The following THSD4 variants were observed in gnomAD, a reference collection of about 807,000 sequenced individuals.
THSD4 encodes thrombospondin type-1 domain-containing protein 4.
THSD4 carries 69 observed loss-of-function variants against 119.0 expected under a neutral mutation model. That is an observed-to-expected ratio of 0.58 (90% CI 0.48 to 0.71). THSD4 has a LOEUF of 0.71. Among genes scored for constraint, THSD4 ranks in the 30% least tolerant of loss-of-function variants. The probability of loss-of-function intolerance (pLI) is 0.00; values close to 1 mark genes in which losing one functional copy is unlikely to be tolerated. For synonymous variants in THSD4, 524 were observed against 540.4 expected, an observed-to-expected ratio of 0.97 and a Z score of 0.42; for missense variants, 1,393 against 1,391.1, an observed-to-expected ratio of 1.00 and a Z score of -0.02.
intron 7 of THSD4, among the ~76,000 whole-genome samples, chr15:71,501,655 C>G (rs1050229194): frequency 6.6e-6 from 1 of 152,176 alleles, no homozygotes; most frequent in Non-Finnish European, 1.5e-5. Flanking sequence ...ATCTTTTGAA[C>G]AGCTAATGTT....
At chr15:71,733,131 T>C (rs1340893557) in intron 10 of THSD4, 1 of 152,272 alleles carries the variant, frequency 6.6e-6, no homozygotes, top group Non-Finnish European at 1.5e-5. Flanking sequence ...TGATGATTTC[T>C]GTCAGGCCTG....
chr15:71,304,102 T>C (rs1015139618), intron 6 of THSD4, among the ~76,000 whole-genome samples: 2 of 152,154 alleles, frequency 1.3e-5, no homozygotes, highest in African/African-American at 4.8e-5. Context: ...CCTCTAGCAG[T>C]GTTGGACATC....
intron 7 of THSD4, among the ~76,000 whole-genome samples, chr15:71,577,866 G>C (rs1433310852): frequency 6.6e-6 from 1 of 151,314 alleles, no homozygotes; most frequent in East Asian, 1.9e-4. Context: ...GATTACTGGC[G>C]CCCACCATGC....
chr15:71,716,614 C>T (rs1567116047), intron 8 of THSD4, among the ~76,000 whole-genome samples: 1 of 122,072 alleles, frequency 8.2e-6, no homozygotes, highest in Non-Finnish European at 1.9e-5. Flanking sequence ...AGTCTAATGA[C>T]CAGTGCTTTA....
intron 7 of THSD4, among the ~76,000 whole-genome samples, chr15:71,646,599 G>T (rs1190078052): frequency 1.1e-4 from 17 of 152,144 alleles, no homozygotes; most frequent in African/African-American, 4.1e-4. Context: ...TATGCATTGA[G>T]TTCCTTCCAT....
chr15:71,548,628 T>C (rs1028436221), intron 7 of THSD4, among the ~76,000 whole-genome samples: 2 of 152,212 alleles, frequency 1.3e-5, no homozygotes, highest in Non-Finnish European at 2.9e-5. Flanking sequence ...GTAGACATTT[T>C]CTGGGCCTGT....
intron 8 of THSD4, among the ~76,000 whole-genome samples, chr15:71,702,132 A>G (rs1292496975): frequency 1.3e-5 from 2 of 152,010 alleles, no homozygotes; most frequent in Non-Finnish European, 1.5e-5. Context: ...AGGTGCTCCC[A>G]TCTGCTTGCT....
chr15:71,359,638 A>G (rs1475963788), intron 6 of THSD4, among the ~76,000 whole-genome samples: 2 of 152,116 alleles, frequency 1.3e-5, no homozygotes, highest in Non-Finnish European at 2.9e-5. Flanking sequence ...GAAAACCCCA[A>G]TCTCTACCAA....
chr15:71,287,585 A>G (rs2044733851), intron 6 of THSD4, among the ~76,000 whole-genome samples: 1 of 152,204 alleles, frequency 6.6e-6, no homozygotes, highest in South Asian at 2.1e-4. Flanking sequence ...TTCCTGGGAA[A>G]AGCCCTTAGC....
At chr15:71,450,535 T>TCTCATCTGC (rs2047247879) in intron 7 of THSD4, among the ~76,000 whole-genome samples, 1 of 152,196 alleles carries the variant, frequency 6.6e-6, no homozygotes, top group African/African-American at 2.4e-5. Context: ...GTTTCAGTTT[T>TCTCATCTGC]CTCATCTGCA....
upstream of THSD4, among the ~76,000 whole-genome samples, chr15:71,112,777 C>T (rs1371313140): frequency 6.6e-6 from 1 of 152,238 alleles, no homozygotes; most frequent in African/African-American, 2.4e-5. Flanking sequence ...GTGACAGACA[C>T]ATTTGGATAA....
In THSD4 at chr15:71,779,674, T is replaced by G. The variant is rs1320154981; in HGVS notation, c.*2300T>G. 6.6e-6 allele frequency: 1 copy of G among 152,170 alleles called. No individual in the cohort carries two copies. Among genetic ancestry groups the G allele is most frequent in the Non-Finnish European group, 1.5e-5 (1 of 68,038 alleles). 9.4% of individuals were successfully genotyped at this position (152,170 alleles called of 1,614,324 possible). ...TGGCTGGGCTGGGTCAGTGATGGCT[T>G]TGTCTCTTTATGTCTAAAGTGCCCT... On this transcript the variant is annotated 3_prime_UTR_variant, in exon 18 of 18. Coordinates refer to ENST00000261862, the MANE Select transcript of THSD4 (RefSeq NM_024817.3).
chr15:71,199,672 G>GGGTGTGTGTGTGTGTGGTGC (rs1567154734), intron 3 of THSD4, among the ~76,000 whole-genome samples: 2 of 27,032 alleles, frequency 7.4e-5, no homozygotes, highest in African/African-American at 1.5e-4. Flanking sequence ...TGCATGTGTG[G>GGGTGTGTGTGTGTGTGGTGC]AGGGTGTGTG....
At chr15:71,445,960 A>G (rs1225717543) in intron 7 of THSD4, among the ~76,000 whole-genome samples, 1 of 152,222 alleles carries the variant, frequency 6.6e-6, no homozygotes, top group African/African-American at 2.4e-5. Flanking sequence ...TGCAGTTGCA[A>G]GATCGCTCTG....
At chr15:71,221,474 A>G (rs2043975623) in intron 4 of THSD4, among the ~76,000 whole-genome samples, 1 of 152,160 alleles carries the variant, frequency 6.6e-6, no homozygotes, top group South Asian at 2.1e-4. Flanking sequence ...GCCAACCACC[A>G]TTCTACTTTC....
chr15:71,470,997 G>T (rs2140640035), intron 7 of THSD4, among the ~76,000 whole-genome samples: 1 of 152,270 alleles, frequency 6.6e-6, no homozygotes, highest in Middle Eastern at 3.4e-3. Flanking sequence ...AAGTTATCAG[G>T]CTATTTCTTT....
intron 7 of THSD4, among the ~76,000 whole-genome samples, chr15:71,447,070 T>C: frequency 6.7e-6 from 1 of 149,742 alleles, no homozygotes; most frequent in South Asian, 2.1e-4. Context: ...GCCCAGTGGG[T>C]TTGCAAACAA....
intron 7 of THSD4, among the ~76,000 whole-genome samples, chr15:71,441,830 C>A (rs79483687): frequency 6.6e-6 from 1 of 152,104 alleles, no homozygotes; most frequent in Non-Finnish European, 1.5e-5. Context: ...GGGATGAGAG[C>A]AGTACTGACC....
intron 7 of THSD4, among the ~76,000 whole-genome samples, chr15:71,525,136 C>G (rs1193837763): frequency 6.6e-6 from 1 of 152,054 alleles, no homozygotes; most frequent in Non-Finnish European, 1.5e-5. Flanking sequence ...TTACTGAGCA[C>G]TTATTATGCA....
Sources: gnomAD v4.1 joint callset for allele counts (sites outside exome capture counted in the v4.1 genomes callset) on GRCh38, gnomAD v4.1.1 for gene constraint, MANE v1.5 for transcripts, NCBI Gene and HGNC (gene_info 2026-07-23, HGNC 2026-07-21) for gene names.